RASA1: variants seen among roughly 807,000 people sequenced by gnomAD.
The protein encoded by RASA1 is RAS p21 protein activator 1, also known as ras GTPase-activating protein 1.
In RASA1, 25 loss-of-function variants were observed where a neutral mutation model predicts 132.2. The observed-to-expected ratio is 0.19, with a 90% CI of 0.14 to 0.26. The LOEUF is 0.26. RASA1 is among the 10% of genes least tolerant of loss of function. The probability of loss-of-function intolerance (pLI) is 1.00; values close to 1 mark genes in which losing one functional copy is unlikely to be tolerated. For synonymous variants in RASA1, 477 were observed against 449.9 expected (o/e 1.06, Z -0.76); for missense variants, 964 against 1,299.2 (o/e 0.74, Z 3.97).
At chr5:87,273,355 A>G (rs1753929316) in intron 1 of RASA1, among the ~76,000 whole-genome samples, 1 of 152,160 alleles carries the variant, frequency 6.6e-6, no homozygotes, top group African/African-American at 2.4e-5. Flanking sequence ...CTATTTCTCT[A>G]CTATAAAAGT....
chr5:87,371,170 C>A (rs1760912343), intron 12 of RASA1, among the ~76,000 whole-genome samples: 2 of 152,064 alleles, frequency 1.3e-5, no homozygotes, highest in African/African-American at 4.8e-5. Flanking sequence ...GCAAGCCTAA[C>A]ATAGAACATT....
intron 1 of RASA1, among the ~76,000 whole-genome samples, chr5:87,273,187 T>C (rs925913115): frequency 1.3e-5 from 2 of 152,212 alleles, no homozygotes; most frequent in Non-Finnish European, 1.5e-5. Flanking sequence ...TTGTACCTTG[T>C]TTTTCTGTGT....
intron 1 of RASA1, among the ~76,000 whole-genome samples, chr5:87,311,209 T>C (rs911578538): frequency 6.6e-6 from 1 of 152,180 alleles, no homozygotes; most frequent in African/African-American, 2.4e-5. Context: ...TTTCAGTATA[T>C]GGCAGACATT....
Position 87,268,048 on chromosome 5 carries a change from C to T in RASA1, c.-404C>T, listed in dbSNP as rs572634665. 9.8e-6 allele frequency: 4 copies of T among 407,274 alleles called. No individual in the cohort carries two copies. Among genetic ancestry groups the T allele is most frequent in the Non-Finnish European group, 1.7e-5 (4 of 231,700 alleles). 25.2% of individuals were successfully genotyped at this position (407,274 alleles called of 1,614,324 possible). A position where few individuals can be genotyped will look rare whatever the true frequency, so the allele number is the denominator to read the frequency against. The stretch of plus-strand genomic sequence containing the variant: ...CGGCGGTGGCTGCGGTGTGGGTGGC[C>T]GGAACTGGGGTGGTGAAGAAGCGGT... On this transcript the variant is annotated 5_prime_UTR_variant, in exon 1 of 25. Transcript: ENST00000274376.
rs115663605 is a variant in RASA1 at position 87,367,237 on chromosome 5, T to C, written c.1611-2576T>C. Among the ~76,000 whole-genome samples the C allele has an allele frequency of 5.0e-3, 760 of 152,154 alleles. 3 individuals are homozygous for C. The highest frequency in any genetic ancestry group is 7.8e-3 in the Non-Finnish European group (529 of 67,988). ...CCATATAATAGGACAAGTAGAAAAATAGGTTGATAAATTATGTATTACCAT... is the reference window on the plus strand; with the variant it reads ...CCATATAATAGGACAAGTAGAAAAACAGGTTGATAAATTATGTATTACCAT... On this transcript the variant is annotated intron_variant, in intron 11 of 24. Coordinates refer to ENST00000274376, the MANE Select transcript of RASA1 (RefSeq NM_002890.3).
intron 1 of RASA1, among the ~76,000 whole-genome samples, chr5:87,296,622 TTTA>T (rs57726650): frequency 0.42 from 64,175 of 151,488 alleles, 13,483 homozygotes; most frequent in Middle Eastern, 0.49. Context: ...AACACTTTAG[TTTA>T]ATTTCATTCT....
intron 9 of RASA1, among the ~76,000 whole-genome samples, chr5:87,361,008 C>T (rs1280001865): frequency 2.0e-5 from 3 of 152,158 alleles, no homozygotes. Context: ...CAATACTTTG[C>T]AACACAGTTA....
chr5:87,272,084 G>T (rs1187380407), intron 1 of RASA1, among the ~76,000 whole-genome samples: 1 of 151,692 alleles, frequency 6.6e-6, no homozygotes, highest in Non-Finnish European at 1.5e-5. Context: ...GGGAGGGGGC[G>T]GTTGCAGTGA....
At chr5:87,329,574 G>T (rs1234291245) in intron 1 of RASA1, among the ~76,000 whole-genome samples, 1 of 152,184 alleles carries the variant, frequency 6.6e-6, no homozygotes, top group South Asian at 2.1e-4. Context: ...CATTTCAATG[G>T]TAAGTTCAAA....
Position 87,287,161 on chromosome 5 carries a change from G to A in RASA1, c.539+18171G>A, listed in dbSNP as rs185981380. Among the ~76,000 whole-genome samples, 538 of 106,714 alleles carry A rather than the reference G, an allele frequency of 5.0e-3. 6 individuals are homozygous for A. Among genetic ancestry groups the A allele is most frequent in the East Asian group, 8.3e-3 (32 of 3,862 alleles). The allele number at this position is 106,714 out of a possible 152,430, so 70.0% of individuals were successfully genotyped here. ...TATATACACACCGTATATATACACTGTATATATACACACCATATATATATA... is the reference window on the plus strand; with the variant it reads ...TATATACACACCGTATATATACACTATATATATACACACCATATATATATA... On this transcript the variant is annotated intron_variant, in intron 1 of 24. Transcript: ENST00000274376.
At chr5:87,337,252 G>A (rs1055192634) in intron 4 of RASA1, among the ~76,000 whole-genome samples, 6 of 151,990 alleles carry the variant, frequency 3.9e-5, no homozygotes, top group Non-Finnish European at 7.4e-5. Context: ...ATTGTGTGGA[G>A]GTTGAAAACA....
chr5:87,376,818 A>G, intron 16 of RASA1, 63 bp from the exon 17 acceptor site: 1 of 1,461,670 alleles, frequency 6.8e-7, no homozygotes, highest in Non-Finnish European at 9.6e-7. Flanking sequence ...ATTTCTTGTT[A>G]GTCTCATGGA....
At position 87,374,181 on chromosome 5, in the gene RASA1, C is replaced by T. The variant is rs2112484750; in HGVS notation, c.1795C>T (p.His599Tyr). 6.6e-7 allele frequency: 1 copy of T among 1,520,000 alleles called. No homozygotes were observed. Among genetic ancestry groups the T allele is most frequent in the Non-Finnish European group, 8.9e-7 (1 of 1,128,356 alleles). 94.2% of individuals were successfully genotyped at this position (1,520,000 alleles called of 1,614,324 possible). A position where few individuals can be genotyped will look rare whatever the true frequency, so the allele number is the denominator to read the frequency against. The change falls in exon 14 of 25, where the codon CAT becomes TAT. Residue 599 changes from histidine to tyrosine, a missense_variant. By Grantham distance (83) the His-to-Tyr change is moderately conservative (BLOSUM62 2). Around this residue, in one of 6 missense-constraint regions of RASA1, gnomAD observed 346 missense variants for 520.1 expected, o/e 0.67. Coordinates refer to ENST00000274376, the MANE Select transcript of RASA1 (RefSeq NM_002890.3). ...RLRQVSSLVL[H>Y]IEEAHKLPVK... ...TTTTTAGGTCAGCAGCCTTGTTTTA[C>T]ATATTGAAGAAGCCCATAAACTCCC...
chr5:87,287,159 C>G (rs1160212669), intron 1 of RASA1, among the ~76,000 whole-genome samples: 1 of 141,812 alleles, frequency 7.1e-6, no homozygotes, highest in East Asian at 2.1e-4. Context: ...TATATATACA[C>G]TGTATATATA....
rs192976014 is a variant in RASA1 at position 87,307,024 on chromosome 5, G to A, written c.540-24324G>A. ...ATAGGTGTGCGCCACTGTGTGCAGC[G>A]TATTTGTTTTAGAAAACCTTTTTTG... On this transcript the variant is annotated intron_variant, in intron 1 of 24. Coordinates refer to ENST00000274376, the MANE Select transcript of RASA1 (RefSeq NM_002890.3). Among the ~76,000 whole-genome samples, 249 of 152,060 alleles carry A rather than the reference G, an allele frequency of 1.6e-3. 1 individual carries two copies. Among genetic ancestry groups the A allele is most frequent in the Middle Eastern group, 6.8e-3 (2 of 294 alleles).
chr5:87,280,767 T>C (rs1754281746), intron 1 of RASA1, among the ~76,000 whole-genome samples: 1 of 152,032 alleles, frequency 6.6e-6, no homozygotes, highest in South Asian at 2.1e-4. Context: ...CTTTCTTTCT[T>C]TTTTTTTGAG....
At chr5:87,296,117 T>A (rs1357650319) in intron 1 of RASA1, among the ~76,000 whole-genome samples, 1 of 146,254 alleles carries the variant, frequency 6.8e-6, no homozygotes, top group African/African-American at 2.5e-5. Flanking sequence ...ACAACCAGCC[T>A]TTTTTTTTTT....
intron 12 of RASA1, among the ~76,000 whole-genome samples, 198 bp from the exon 13 acceptor site, chr5:87,371,920 G>A (rs532769552): frequency 6.6e-6 from 1 of 151,674 alleles, no homozygotes; most frequent in Admixed American, 6.6e-5. Context: ...AATTGTTTTG[G>A]TTGTTTTATT....
intron 18 of RASA1, 55 bp from the exon 19 acceptor site, chr5:87,379,680 C>T: frequency 1.9e-6 from 3 of 1,595,730 alleles, no homozygotes; most frequent in South Asian, 1.1e-5. Context: ...TTCCTCTATT[C>T]ATTTGCATTT....
Sources: allele counts gnomAD v4.1 joint callset (sites outside exome capture counted in the v4.1 genomes callset), GRCh38; gene constraint gnomAD v4.1.1; regional missense constraint gnomAD v4.1.1; transcripts MANE v1.5; gene names NCBI Gene and HGNC (gene_info 2026-07-23, HGNC 2026-07-21).